GPR158: variants seen among roughly 807,000 people sequenced by gnomAD.
The protein encoded by GPR158 is metabotropic glycine receptor.
In GPR158, 30 loss-of-function variants were observed where a neutral mutation model predicts 78.2. That is an observed-to-expected ratio of 0.38 (90% CI 0.29 to 0.52). GPR158 has a LOEUF of 0.52. GPR158 is among the 20% of genes least tolerant of loss of function. The pLI is 0.83. For synonymous variants in GPR158, 581 were observed against 591.1 expected, an observed-to-expected ratio of 0.98 and a Z score of 0.25; for missense variants, 1,463 against 1,523.5, an observed-to-expected ratio of 0.96 and a Z score of 0.66.
chr10:25,594,029 A>G (rs1298664238), intron 8 of GPR158, among the ~76,000 whole-genome samples: 2 of 152,084 alleles, frequency 1.3e-5, no homozygotes, highest in African/African-American at 4.8e-5. Context: ...GCCACTTTAC[A>G]TACAAAATAA....
At chr10:25,412,819 T>A (rs1834611175) in intron 4 of GPR158, among the ~76,000 whole-genome samples, 1 of 152,204 alleles carries the variant, frequency 6.6e-6, no homozygotes, top group Admixed American at 6.5e-5. Flanking sequence ...CCAAGAAGCT[T>A]TGTTATGTTT....
chr10:25,463,290 T>A (rs569219178), intron 4 of GPR158, among the ~76,000 whole-genome samples: 7 of 152,312 alleles, frequency 4.6e-5, no homozygotes, highest in African/African-American at 1.7e-4. Context: ...AAATTTAACT[T>A]TTATATGCAC....
chr10:25,475,391 G>A (rs958856377), intron 5 of GPR158: 4 of 152,018 alleles, frequency 2.6e-5, no homozygotes, highest in African/African-American at 9.7e-5. Context: ...TTTTTGTAAT[G>A]GCTCGAGATA....
At chr10:25,451,458 C>T (rs1310445811) in intron 4 of GPR158, among the ~76,000 whole-genome samples, 1 of 152,134 alleles carries the variant, frequency 6.6e-6, no homozygotes, top group Non-Finnish European at 1.5e-5. Context: ...TGTATTTCTG[C>T]TTTGAATTCC....
rs11014550 is a variant in GPR158, at chr10:25,433,529, G to A, written c.1335+21056G>A. Reference sequence around the variant, plus strand: ...GAGCAAAAAGGAAATGGTTTAGTTAGGGGTGTGTGTGTGTGTGTTGTGTGT... The same window carrying A: ...GAGCAAAAAGGAAATGGTTTAGTTAAGGGTGTGTGTGTGTGTGTTGTGTGT... On this transcript the variant is annotated intron_variant, in intron 4 of 10. Coordinates refer to ENST00000376351, the MANE Select transcript of GPR158 (RefSeq NM_020752.3). Among the ~76,000 whole-genome samples, 23 of 91,214 alleles carry A rather than the reference G, an allele frequency of 2.5e-4. 1 individual carries two copies. Among genetic ancestry groups the A allele is most frequent in the Admixed American group, 7.0e-4 (7 of 9,966 alleles). The allele number at this position is 91,214 out of a possible 152,430, so 59.8% of individuals were successfully genotyped here.
At chr10:25,295,207 GTACATCCAACA>G (rs1854494653) in intron 2 of GPR158, among the ~76,000 whole-genome samples, 1 of 152,092 alleles carries the variant, frequency 6.6e-6, no homozygotes, top group African/African-American at 2.4e-5. Flanking sequence ...TTTCTTCAAA[GTACATCCAACA>G]TCCATGCACT....
chr10:25,314,306 G>A (rs1854813916), intron 2 of GPR158, among the ~76,000 whole-genome samples: 1 of 151,944 alleles, frequency 6.6e-6, no homozygotes, highest in South Asian at 2.1e-4. Context: ...TCACCATGTT[G>A]GCCAGGATGG....
chr10:25,371,030 C>T (rs964564834), intron 2 of GPR158, among the ~76,000 whole-genome samples: 25 of 146,580 alleles, frequency 1.7e-4, no homozygotes, highest in Non-Finnish European at 3.5e-4. Context: ...GGTAGATCTT[C>T]CTCCATCCTT....
At chr10:25,344,286 A>G (rs931250854) in intron 2 of GPR158, among the ~76,000 whole-genome samples, 5 of 151,890 alleles carry the variant, frequency 3.3e-5, no homozygotes, top group African/African-American at 1.2e-4. Flanking sequence ...TTTAATTTAT[A>G]AAATATATAT....
chr10:25,235,918 A>G (rs920256204), intron 2 of GPR158, among the ~76,000 whole-genome samples: 7 of 151,730 alleles, frequency 4.6e-5, no homozygotes, highest in Non-Finnish European at 1.0e-4. Context: ...GGATGGTGTC[A>G]ATCATCTGAC....
intron 5 of GPR158, among the ~76,000 whole-genome samples, chr10:25,541,332 C>T (rs1045915866): frequency 3.3e-5 from 5 of 152,000 alleles, no homozygotes; most frequent in African/African-American, 1.2e-4. Context: ...TGTACCAATT[C>T]TGTGTCTTGT....
chr10:25,230,881 G>T (rs184703577), intron 2 of GPR158, among the ~76,000 whole-genome samples: 36 of 152,246 alleles, frequency 2.4e-4, no homozygotes, highest in South Asian at 1.2e-3. Flanking sequence ...ACAGTGAAAG[G>T]TACCACATGA....
At chr10:25,178,481 G>A (rs989639510) in intron 1 of GPR158, among the ~76,000 whole-genome samples, 3 of 152,222 alleles carry the variant, frequency 2.0e-5, no homozygotes, top group African/African-American at 7.2e-5. Flanking sequence ...GTGCCTTCTG[G>A]CAGCCAAGTT....
intron 2 of GPR158, among the ~76,000 whole-genome samples, chr10:25,232,311 T>C (rs553276536): frequency 6.6e-6 from 1 of 152,340 alleles, no homozygotes; most frequent in South Asian, 2.1e-4. Flanking sequence ...AATCCCATTA[T>C]GACAGCAAAT....
intron 2 of GPR158, among the ~76,000 whole-genome samples, chr10:25,266,463 C>T (rs16925518): frequency 0.047 from 7,114 of 152,152 alleles, 573 homozygotes; most frequent in African/African-American, 0.16. Flanking sequence ...TTGGCCATCC[C>T]ATAATCAGAT....
At chr10:25,193,914 A>T (rs1852809736) in intron 1 of GPR158, among the ~76,000 whole-genome samples, 1 of 152,078 alleles carries the variant, frequency 6.6e-6, no homozygotes, top group Non-Finnish European at 1.5e-5. Flanking sequence ...AAAATTCAGA[A>T]TTCCTTGCAA....
chr10:25,542,876 C>T (rs941763552), intron 5 of GPR158, among the ~76,000 whole-genome samples: 1 of 149,458 alleles, frequency 6.7e-6, no homozygotes, highest in Non-Finnish European at 1.5e-5. Context: ...TTTGAGAAGT[C>T]TAATAGTCTC....
intron 2 of GPR158, among the ~76,000 whole-genome samples, chr10:25,379,327 G>A (rs1013668856): frequency 6.6e-6 from 1 of 152,080 alleles, no homozygotes; most frequent in African/African-American, 2.4e-5. Flanking sequence ...TTCCAGAGAG[G>A]CTTTAACCTA....
intron 2 of GPR158, among the ~76,000 whole-genome samples, chr10:25,303,351 C>T (rs1177379948): frequency 3.3e-5 from 5 of 152,150 alleles, no homozygotes; most frequent in African/African-American, 4.8e-5. Flanking sequence ...CTCTATTGGA[C>T]GTCACTGCCA....
Sources: gnomAD v4.1 joint callset for allele counts (sites outside exome capture counted in the v4.1 genomes callset) on GRCh38, gnomAD v4.1.1 for gene constraint, MANE v1.5 for transcripts, NCBI Gene and HGNC (gene_info 2026-07-23, HGNC 2026-07-21) for gene names.